ERICH1: variants seen among roughly 807,000 people sequenced by gnomAD.
ERICH1 encodes the protein glutamate rich 1, also known as glutamate-rich protein 1.
ERICH1 carries 56 observed loss-of-function variants against 39.6 expected under a neutral mutation model. The observed-to-expected ratio is 1.41, with a 90% CI of 1.14 to 1.77. ERICH1 has a LOEUF of 1.77. ERICH1 is among the 40% of genes most tolerant of loss of function. The probability of loss-of-function intolerance (pLI) is 0.00; values close to 1 mark genes in which losing one functional copy is unlikely to be tolerated. For missense variants in ERICH1, 826 were observed against 575.4 expected, an observed-to-expected ratio of 1.44 and a Z score of -4.45; for synonymous variants, 313 against 223.6, an observed-to-expected ratio of 1.40 and a Z score of -3.57.
chr8:660,454 G>C (rs955922997), downstream of ERICH1, among the ~76,000 whole-genome samples: 7 of 152,176 alleles, frequency 4.6e-5, no homozygotes, highest in Admixed American at 2.0e-4. Flanking sequence ...GTGTGGCAGC[G>C]GCCACAGCAT....
At chr8:718,973 T>C (rs934334276) in intron 1 of ERICH1, among the ~76,000 whole-genome samples, 1 of 152,020 alleles carries the variant, frequency 6.6e-6, no homozygotes, top group African/African-American at 2.4e-5. Flanking sequence ...CTCCCATCTG[T>C]ACCCAGGTGT....
intron 1 of ERICH1, among the ~76,000 whole-genome samples, chr8:729,645 A>G (rs1184907373): frequency 6.6e-6 from 1 of 152,160 alleles, no homozygotes; most frequent in Non-Finnish European, 1.5e-5. Flanking sequence ...AACTTTTGGG[A>G]TTTATTAATC....
chr8:677,246 C>G (rs1304424558), intron 3 of ERICH1, among the ~76,000 whole-genome samples: 2 of 152,250 alleles, frequency 1.3e-5, no homozygotes, highest in East Asian at 3.9e-4. Context: ...AAGCACCAGC[C>G]TCCCCTCTTC....
At chr8:685,345 G>A (rs981893142) in intron 3 of ERICH1, among the ~76,000 whole-genome samples, 2 of 152,174 alleles carry the variant, frequency 1.3e-5, no homozygotes, top group East Asian at 3.8e-4. Flanking sequence ...GAACATCGCT[G>A]TTATCCTGTT....
At chr8:722,866 T>A (rs943087512) in intron 1 of ERICH1, among the ~76,000 whole-genome samples, 1 of 152,224 alleles carries the variant, frequency 6.6e-6, no homozygotes, top group Admixed American at 6.5e-5. Flanking sequence ...TAGGACCACA[T>A]GCTTACAGGA....
intron 3 of ERICH1, among the ~76,000 whole-genome samples, chr8:642,512 T>C (rs1241728064): frequency 6.6e-6 from 1 of 151,848 alleles, no homozygotes; most frequent in East Asian, 1.9e-4. Context: ...GCCCGGCTAA[T>C]TTTTTGTATT....
chr8:669,030 C>A (rs960262245), intron 4 of ERICH1: 4 of 539,500 alleles, frequency 7.4e-6, no homozygotes, highest in East Asian at 3.1e-5. Flanking sequence ...GACGCCTCCC[C>A]TGGCCCATCT....
chr8:677,533 G>C (rs760800002), intron 3 of ERICH1, among the ~76,000 whole-genome samples: 18 of 152,188 alleles, frequency 1.2e-4, no homozygotes, highest in South Asian at 2.1e-4. Context: ...ATCTGCGAGT[G>C]TGTGTTGTTG....
intron 3 of ERICH1, among the ~76,000 whole-genome samples, chr8:639,800 T>TG (rs1361034231): frequency 8.0e-6 from 1 of 125,768 alleles, no homozygotes; most frequent in Non-Finnish European, 1.7e-5. Flanking sequence ...CCGAGCACCC[T>TG]GGATTCACAG....
chr8:619,914 T>C (rs988434844), intron 3 of ERICH1, among the ~76,000 whole-genome samples: 1 of 152,030 alleles, frequency 6.6e-6, no homozygotes, highest in East Asian at 1.9e-4. Flanking sequence ...AAATAAACAA[T>C]ACAGTAAAAA....
chr8:668,986 G>A (rs1036973500), intron 4 of ERICH1, 194 bp from the exon 5 acceptor site: 7 of 605,286 alleles, frequency 1.2e-5, no homozygotes, highest in South Asian at 6.3e-5. Flanking sequence ...GAACGACTGT[G>A]GAAACCTGGC....
intron 3 of ERICH1, chr8:627,096 T>C: frequency 2.2e-6 from 1 of 456,094 alleles, no homozygotes; most frequent in South Asian, 1.5e-5. Flanking sequence ...GATGGACGTA[T>C]CCCTAGACAC....
intron 3 of ERICH1, among the ~76,000 whole-genome samples, chr8:630,543 C>A (rs147407196): frequency 9.1e-6 from 1 of 110,088 alleles, no homozygotes; most frequent in Admixed American, 9.0e-5. Context: ...TGAGCACCCA[C>A]ACAGAGCTGA....
At position 700,274 on chromosome 8, in the gene ERICH1, CG is replaced by C. The variant is rs1563298483; in HGVS notation, c.170-7663del. On this transcript the variant is annotated intron_variant, in intron 2 of 5. Coordinates refer to ENST00000262109, the MANE Select transcript of ERICH1 (RefSeq NM_207332.3). Reference sequence around the variant, plus strand: ...GCACACGCGCACAGGCCCGCACAGGCGCACAGACCCGCACAGGCCCGGACAC... The same window carrying C: ...GCACACGCGCACAGGCCCGCACAGGCCACAGACCCGCACAGGCCCGGACAC... 6.4e-4 allele frequency among the ~76,000 whole-genome samples: 63 copies of C among 98,362 alleles called. 24 individuals carry two copies. Among genetic ancestry groups the C allele is most frequent in the Non-Finnish European group, 1.2e-3 (49 of 40,902 alleles). The allele number at this position is 98,362 out of a possible 152,430, so 64.5% of individuals were successfully genotyped here.
At chr8:651,279 C>T (rs1254092070) in intron 3 of ERICH1, among the ~76,000 whole-genome samples, 3 of 152,204 alleles carry the variant, frequency 2.0e-5, no homozygotes, top group Admixed American at 1.3e-4. Flanking sequence ...CCGAACCTGC[C>T]TGACACTGTG....
At chr8:615,070 C>G in exon 4 of ERICH1, 1 of 585,506 alleles carries the variant, frequency 1.7e-6, no homozygotes, top group South Asian at 2.2e-5. Flanking sequence ...TACCCATCGG[C>G]CACTGAAGAT....
At chr8:629,128 A>T (rs1005291236) in intron 3 of ERICH1, among the ~76,000 whole-genome samples, 1 of 152,178 alleles carries the variant, frequency 6.6e-6, no homozygotes, top group African/African-American at 2.4e-5. Context: ...GCCCAGTCAC[A>T]TGACGATCAC....
chr8:658,763 C>T (rs1040413674), intron 3 of ERICH1, among the ~76,000 whole-genome samples: 1 of 152,218 alleles, frequency 6.6e-6, no homozygotes, highest in African/African-American at 2.4e-5. Flanking sequence ...CGTCCACAGC[C>T]TCAGGGCAAG....
chr8:632,085 G>T (rs1798075895), intron 3 of ERICH1, among the ~76,000 whole-genome samples: 1 of 152,176 alleles, frequency 6.6e-6, no homozygotes, highest in Non-Finnish European at 1.5e-5. Flanking sequence ...TCTCCGACTG[G>T]CAGGGCTGCG....
Sources: gnomAD v4.1 joint callset for allele counts (sites outside exome capture counted in the v4.1 genomes callset) on GRCh38, gnomAD v4.1.1 for gene constraint, MANE v1.5 for transcripts, NCBI Gene and HGNC (gene_info 2026-07-23, HGNC 2026-07-21) for gene names.